AGBL1: variants seen among roughly 807,000 people sequenced by gnomAD.
AGBL1 encodes AGBL carboxypeptidase 1, also known as cytosolic carboxypeptidase 4.
A neutral mutation model predicts 118.9 loss-of-function variants in AGBL1; 130 were observed. The ratio of observed to expected loss-of-function variants is 1.09; its 90% CI spans 0.95 to 1.26. The LOEUF (loss-of-function observed/expected upper bound fraction) is 1.26. Among genes scored for constraint, AGBL1 ranks in the 50% most tolerant of loss-of-function variants. The pLI is 0.00. For synonymous variants in AGBL1, 555 were observed against 478.9 expected, an observed-to-expected ratio of 1.16 and a Z score of -2.08; for missense variants, 1,584 against 1,298.1, an observed-to-expected ratio of 1.22 and a Z score of -3.38.
rs976918915 is a variant in AGBL1, at chr15:86,904,640, TAATA to T, written c.3159-2443_3159-2440del. On this transcript the variant is annotated intron_variant, in intron 22 of 22. Transcript: ENST00000614907. ...TCTATTATATTTATTTTGTTATGTA[TAATA>T]AATGTATGTTATTATATATAAATAT... Among the ~76,000 whole-genome samples, 192 of 148,256 alleles carry T rather than the reference TAATA, an allele frequency of 1.3e-3. 3 individuals carry two copies. Among genetic ancestry groups the T allele is most frequent in the African/African-American group, 4.1e-3 (168 of 40,684 alleles).
chr15:86,425,661 C>T (rs775178085), intron 18 of AGBL1, among the ~76,000 whole-genome samples: 20 of 152,112 alleles, frequency 1.3e-4, no homozygotes, highest in Non-Finnish European at 2.6e-4. Context: ...AGTTAAACTT[C>T]TGGTAATTTA....
chr15:86,673,735 G>A (rs528741627), intron 21 of AGBL1, among the ~76,000 whole-genome samples: 3 of 152,196 alleles, frequency 2.0e-5, no homozygotes, highest in Middle Eastern at 3.4e-3. Context: ...TCATGATTTT[G>A]CTTTCATGCA....
intron 2 of AGBL1, among the ~76,000 whole-genome samples, chr15:86,142,923 C>A (rs967986201): frequency 2.0e-5 from 3 of 152,228 alleles, no homozygotes; most frequent in Non-Finnish European, 4.4e-5. Flanking sequence ...TGCTACTTTT[C>A]ATTAGGACAA....
intron 22 of AGBL1, among the ~76,000 whole-genome samples, chr15:86,801,335 A>ATCTG (rs2078647388): frequency 6.6e-6 from 1 of 151,510 alleles, no homozygotes; most frequent in Non-Finnish European, 1.5e-5. Flanking sequence ...CTATCTATCT[A>ATCTG]TCTATCTATC....
At chr15:86,604,337 T>C (rs1385160060) in intron 21 of AGBL1, among the ~76,000 whole-genome samples, 1 of 152,222 alleles carries the variant, frequency 6.6e-6, no homozygotes, top group South Asian at 2.1e-4. Context: ...TTATTTATCA[T>C]GACAACCCTG....
chr15:86,100,511 TTTA>T (rs965512280), intron 1 of AGBL1, among the ~76,000 whole-genome samples: 1 of 152,010 alleles, frequency 6.6e-6, no homozygotes, highest in Non-Finnish European at 1.5e-5. Context: ...AGACTTTTTT[TTTA>T]TTATTATTAC....
At chr15:86,084,865 T>G (rs942442199) in intron 1 of AGBL1, among the ~76,000 whole-genome samples, 2 of 149,946 alleles carry the variant, frequency 1.3e-5, no homozygotes, top group African/African-American at 4.8e-5. Flanking sequence ...ATTTACCTGT[T>G]CATCCACCCA....
chr15:86,673,757 A>T (rs8043272), intron 21 of AGBL1, among the ~76,000 whole-genome samples: 5,786 of 152,260 alleles, frequency 0.038, 377 homozygotes, highest in African/African-American at 0.13. Context: ...ATATGAGTAC[A>T]GCTGAATAGG....
rs772265219 is a variant in AGBL1, at chr15:86,295,353, G to A, written c.2319G>A (p.Leu773=). Residue 773 remains leucine, a synonymous_variant, in exon 17 of 23, where the codon TTG becomes TTA. Transcript: ENST00000614907. ...CQTLGGNPCP[L]VTITAMPESN... is the part of the protein sequence containing the mutation. Reference sequence around the variant, plus strand: ...CGCTGGGAGGGAATCCGTGTCCCTTGGTGACCATCACGGCCATGCCTGAGT... The same window carrying A: ...CGCTGGGAGGGAATCCGTGTCCCTTAGTGACCATCACGGCCATGCCTGAGT... 9.3e-6 allele frequency: 15 copies of A among 1,612,164 alleles called. No homozygotes were observed. In the South Asian group the frequency reaches 1.5e-4, roughly 17 times the overall value.
chr15:86,160,192 G>C (rs776765494), intron 5 of AGBL1, among the ~76,000 whole-genome samples: 3 of 149,998 alleles, frequency 2.0e-5, no homozygotes, highest in Non-Finnish European at 3.0e-5. Context: ...CTTCTCCAGG[G>C]TGTGAATTTA....
chr15:86,966,859 C>T (rs908566235), intron 23 of AGBL1, among the ~76,000 whole-genome samples: 6 of 151,944 alleles, frequency 3.9e-5, no homozygotes, highest in Non-Finnish European at 7.4e-5. Context: ...GATTGCTGGG[C>T]CAAATGGTAT....
intron 16 of AGBL1, among the ~76,000 whole-genome samples, chr15:86,291,247 C>A (rs1227582649): frequency 1.3e-5 from 2 of 152,074 alleles, no homozygotes; most frequent in Non-Finnish European, 2.9e-5. Context: ...AGATTATAAT[C>A]CCCTCTTCTT....
intron 1 of AGBL1, among the ~76,000 whole-genome samples, chr15:86,091,677 A>G (rs955964303): frequency 6.6e-6 from 1 of 152,206 alleles, no homozygotes; most frequent in Non-Finnish European, 1.5e-5. Flanking sequence ...CCACTTGATC[A>G]GGTTTAAGTT....
Position 86,907,373 on chromosome 15 carries a change from GAC to G in AGBL1, c.*87_*88del, listed in dbSNP as rs1383037856. ...CTGTGTTGCTGCTTCTTCATCATCAGACACACACAATGTATATGTCAGTGCAA... is the reference window on the plus strand; with the variant it reads ...CTGTGTTGCTGCTTCTTCATCATCAGACACACAATGTATATGTCAGTGCAA... On this transcript the variant is annotated 3_prime_UTR_variant, in exon 23 of 23. Coordinates refer to ENST00000614907, the MANE Select transcript of AGBL1 (RefSeq NM_001386094.1). 6.6e-6 allele frequency: 1 copy of G among 152,184 alleles called. No individual in the cohort carries two copies. 9.4% of individuals were successfully genotyped at this position (152,184 alleles called of 1,614,324 possible).
At position 86,670,654 on chromosome 15, in the gene AGBL1, A is replaced by G. The variant is rs370219868; in HGVS notation, c.2995-3619A>G. Among the ~76,000 whole-genome samples, 7 of 124,946 alleles carry G rather than the reference A, an allele frequency of 5.6e-5. No individual in the cohort carries two copies. The East Asian group carries it at 1.2e-3, about 22-fold the overall frequency. The allele number at this position is 124,946 out of a possible 152,430, so 82.0% of individuals were successfully genotyped here. A position where few individuals can be genotyped will look rare whatever the true frequency, so the allele number is the denominator to read the frequency against. On this transcript the variant is annotated intron_variant, in intron 21 of 22. Coordinates refer to ENST00000614907, the MANE Select transcript of AGBL1 (RefSeq NM_001386094.1). Reference sequence around the variant, plus strand: ...ACACGCTGTGTGTGTGTGTGTGTATATATATATATAGCAAACTTATATAGT... The same window carrying G: ...ACACGCTGTGTGTGTGTGTGTGTATGTATATATATAGCAAACTTATATAGT...
intron 3 of AGBL1, among the ~76,000 whole-genome samples, chr15:86,151,079 T>A (rs1026968491): frequency 2.3e-4 from 35 of 151,016 alleles, no homozygotes; most frequent in African/African-American, 8.5e-4. Context: ...CGCATATTCT[T>A]ACTCATAGGT....
intron 22 of AGBL1, among the ~76,000 whole-genome samples, chr15:86,718,318 C>T (rs1010689170): frequency 1.3e-5 from 2 of 152,038 alleles, no homozygotes; most frequent in South Asian, 2.1e-4. Context: ...TGTTCTCACT[C>T]ATAGGTGGGA....
At chr15:86,503,345 G>A (rs1314141704) in intron 18 of AGBL1, among the ~76,000 whole-genome samples, 1 of 150,754 alleles carries the variant, frequency 6.6e-6, no homozygotes, top group Non-Finnish European at 1.5e-5. Context: ...TTCCTTGTCA[G>A]TTTGACAAAA....
intron 17 of AGBL1, among the ~76,000 whole-genome samples, chr15:86,366,884 T>G (rs747158489): frequency 6.6e-6 from 1 of 152,220 alleles, no homozygotes; most frequent in Non-Finnish European, 1.5e-5. Context: ...TTGCCTTTGT[T>G]CCAGCAATAA....
Sources: allele counts gnomAD v4.1 joint callset (sites outside exome capture counted in the v4.1 genomes callset), GRCh38; gene constraint gnomAD v4.1.1; transcripts MANE v1.5; gene names NCBI Gene and HGNC (gene_info 2026-07-23, HGNC 2026-07-21).